Variants in RIMS1 observed in about 807,000 individuals in gnomAD.
The protein encoded by RIMS1 is regulating synaptic membrane exocytosis 1, also known as regulating synaptic membrane exocytosis protein 1.
RIMS1 carries 83 observed loss-of-function variants against 214.1 expected under a neutral mutation model. The ratio of observed to expected loss-of-function variants is 0.39; its 90% confidence interval spans 0.32 to 0.47. RIMS1 has a LOEUF of 0.47. Ranked by LOEUF, RIMS1 falls within the 20% of genes least tolerant of loss-of-function variation. The pLI is 0.99. For missense variants in RIMS1, 2,050 were observed against 2,161.8 expected (o/e 0.95, Z 1.03); for synonymous variants, 793 against 786.8 (o/e 1.01, Z -0.13).
At chr6:71,887,619 G>A (rs1488504259) in intron 1 of RIMS1, among the ~76,000 whole-genome samples, 1 of 152,140 alleles carries the variant, frequency 6.6e-6, no homozygotes, top group Non-Finnish European at 1.5e-5. Context: ...TCTCTTCTTG[G>A]AGTTGTTTAG....
chr6:72,061,780 A>G (rs1418486909), intron 2 of RIMS1, among the ~76,000 whole-genome samples: 1 of 152,228 alleles, frequency 6.6e-6, no homozygotes, highest in African/African-American at 2.4e-5. Flanking sequence ...TTTTTTTTTA[A>G]TATTTGAAAT....
chr6:72,376,494 C>G (rs2098383615), intron 29 of RIMS1, among the ~76,000 whole-genome samples: 2 of 152,140 alleles, frequency 1.3e-5, no homozygotes, highest in Non-Finnish European at 2.9e-5. Context: ...TGGCTCATTC[C>G]TGTAATCCCA....
intron 4 of RIMS1, among the ~76,000 whole-genome samples, chr6:72,157,465 T>C (rs538354519): frequency 2.1e-5 from 3 of 140,602 alleles, no homozygotes; most frequent in African/African-American, 7.4e-5. Flanking sequence ...TGTTACTGCA[T>C]ATGAAATCAG....
intron 10 of RIMS1, among the ~76,000 whole-genome samples, chr6:72,245,355 C>T (rs935758087): frequency 6.6e-6 from 1 of 151,876 alleles, no homozygotes; most frequent in Admixed American, 6.6e-5. Context: ...TTTAACTTTG[C>T]CCATGATATT....
At chr6:72,371,216 T>C (rs765930808) in intron 29 of RIMS1, among the ~76,000 whole-genome samples, 3 of 152,170 alleles carry the variant, frequency 2.0e-5, no homozygotes, top group African/African-American at 4.8e-5. Context: ...GTGGTTCTTA[T>C]GCAAATTTAT....
intron 29 of RIMS1, among the ~76,000 whole-genome samples, chr6:72,367,529 T>C (rs1212894409): frequency 6.6e-6 from 1 of 152,186 alleles, no homozygotes; most frequent in Non-Finnish European, 1.5e-5. Context: ...AAAATAGATT[T>C]ATTTTGTGCT....
intron 2 of RIMS1, among the ~76,000 whole-genome samples, chr6:71,993,030 C>G (rs1802363951): frequency 6.6e-6 from 1 of 152,140 alleles, no homozygotes; most frequent in Non-Finnish European, 1.5e-5. Context: ...TTTAAATGAG[C>G]AAGTGCACTT....
rs545193502 is a variant in RIMS1 at position 71,903,760 on chromosome 6, G to GT, written c.164+16583dup. On this transcript the variant is annotated intron_variant, in intron 1 of 33. Transcript: ENST00000521978. ...ATAAGGATTAGTAGTGTGTGTGTGT[G>GT]TTTTTTTTTTCCCTACATGGAATTT... 1.8e-3 allele frequency among the ~76,000 whole-genome samples: 265 copies of GT among 148,310 alleles called. 2 individuals are homozygous for GT. Among genetic ancestry groups the GT allele is most frequent in the South Asian group, 0.014 (64 of 4,672 alleles).
chr6:72,312,455 C>A (rs753292617), intron 27 of RIMS1, among the ~76,000 whole-genome samples: 4 of 151,826 alleles, frequency 2.6e-5, no homozygotes, highest in Non-Finnish European at 5.9e-5. Context: ...ATAAGCTATT[C>A]ACTGTGTGGT....
At chr6:72,056,786 CA>C (rs1344034776) in intron 2 of RIMS1, among the ~76,000 whole-genome samples, 2 of 151,834 alleles carry the variant, frequency 1.3e-5, no homozygotes, top group Non-Finnish European at 2.9e-5. Flanking sequence ...ATAAGTTAAA[CA>C]TAATAGAAAA....
chr6:72,012,582 G>C (rs1424829187), intron 2 of RIMS1, among the ~76,000 whole-genome samples: 1 of 152,112 alleles, frequency 6.6e-6, no homozygotes, highest in African/African-American at 2.4e-5. Flanking sequence ...AAAGCAACCT[G>C]GGTATATGTT....
intron 6 of RIMS1, among the ~76,000 whole-genome samples, chr6:72,209,715 C>A (rs957958486): frequency 6.6e-6 from 1 of 152,008 alleles, no homozygotes. Context: ...TCCTGGCTAA[C>A]ACGATGAAAC....
At chr6:71,916,906 G>A (rs1429260398) in intron 1 of RIMS1, among the ~76,000 whole-genome samples, 1 of 152,072 alleles carries the variant, frequency 6.6e-6, no homozygotes, top group Non-Finnish European at 1.5e-5. Flanking sequence ...TTGAGTGCCT[G>A]TGGTTCAGAA....
intron 6 of RIMS1, among the ~76,000 whole-genome samples, chr6:72,203,958 A>G (rs2052476655): frequency 6.6e-6 from 1 of 152,216 alleles, no homozygotes; most frequent in African/African-American, 2.4e-5. Context: ...CTTCCAATAA[A>G]AAGTTGAATA....
intron 2 of RIMS1, among the ~76,000 whole-genome samples, chr6:72,089,892 T>C (rs184899222): frequency 1.4e-5 from 2 of 147,488 alleles, no homozygotes; most frequent in East Asian, 2.1e-4. Flanking sequence ...AAATTGGAAA[T>C]CATCATTCTC....
At chr6:71,978,631 CATGA>C (rs1307834664) in intron 2 of RIMS1, among the ~76,000 whole-genome samples, 1 of 152,028 alleles carries the variant, frequency 6.6e-6, no homozygotes, top group African/African-American at 2.4e-5. Context: ...TATATTTTAT[CATGA>C]ATGAAGTTAT....
intron 4 of RIMS1, among the ~76,000 whole-genome samples, chr6:72,132,213 T>C (rs1490039261): frequency 6.6e-6 from 1 of 152,138 alleles, no homozygotes; most frequent in Non-Finnish European, 1.5e-5. Context: ...AGGGTATTGA[T>C]TGGGGAAGTG....
In RIMS1 at chr6:72,401,442, TCTTCCAAAATA is replaced by T. The variant is rs1190396220; in HGVS notation, c.*729_*739del. ...TGGATACCCAAGAGACAAAAAGTTATCTTCCAAAATAAATAATCACAGAAGTACTTTTTTAA... is the reference window on the plus strand; with the variant it reads ...TGGATACCCAAGAGACAAAAAGTTATAATAATCACAGAAGTACTTTTTTAA... On this transcript the variant is annotated 3_prime_UTR_variant, in exon 34 of 34. Transcript: ENST00000521978. The T allele has an allele frequency of 6.6e-6, 1 of 152,600 alleles. No individual in the cohort carries two copies. Among genetic ancestry groups the T allele is most frequent in the African/African-American group, 2.4e-5 (1 of 41,462 alleles). The allele number at this position is 152,600 out of a possible 1,614,324, so 9.5% of individuals were successfully genotyped here.
intron 29 of RIMS1, among the ~76,000 whole-genome samples, chr6:72,371,735 GTAGA>G (rs1343214057): frequency 8.5e-5 from 13 of 152,116 alleles, no homozygotes; most frequent in Admixed American, 2.0e-4. Context: ...CAGTCCCTGT[GTAGA>G]TAGACGAGCC....
Sources: allele counts gnomAD v4.1 joint callset (sites outside exome capture counted in the v4.1 genomes callset), GRCh38; gene constraint gnomAD v4.1.1; transcripts MANE v1.5; gene names NCBI Gene and HGNC (gene_info 2026-07-23, HGNC 2026-07-21).